RIT2: variants seen among roughly 807,000 people sequenced by gnomAD.
The protein encoded by RIT2 is Ras like without CAAX 2.
A neutral mutation model predicts 23.7 loss-of-function variants in RIT2; 24 were observed. The ratio of observed to expected loss-of-function variants is 1.01; its 90% CI spans 0.73 to 1.43. RIT2 has a LOEUF of 1.43. RIT2 is among the 40% of genes most tolerant of loss of function. The pLI is 0.00. For synonymous variants in RIT2, 107 were observed against 91.1 expected, an observed-to-expected ratio of 1.17 and a Z score of -0.99; for missense variants, 236 against 266.9, an observed-to-expected ratio of 0.88 and a Z score of 0.81.
chr18:43,004,349 A>G (rs1911178795), intron 2 of RIT2, among the ~76,000 whole-genome samples: 1 of 151,906 alleles, frequency 6.6e-6, no homozygotes, highest in Admixed American at 6.6e-5. Context: ...AGTTTAGCTC[A>G]TTCAGAACTG....
chr18:42,880,201 G>A (rs1169952367), intron 4 of RIT2, among the ~76,000 whole-genome samples: 1 of 152,086 alleles, frequency 6.6e-6, no homozygotes, highest in Non-Finnish European at 1.5e-5. Context: ...TTCTTATACA[G>A]ACTTCCCAGC....
At chr18:42,794,398 G>C (rs1436393472) in intron 4 of RIT2, among the ~76,000 whole-genome samples, 1 of 152,162 alleles carries the variant, frequency 6.6e-6, no homozygotes, top group African/African-American at 2.4e-5. Context: ...TCATTTATAT[G>C]ATATCATATT....
intron 1 of RIT2, among the ~76,000 whole-genome samples, chr18:43,047,812 G>A (rs1355100064): frequency 6.6e-6 from 1 of 152,050 alleles, no homozygotes; most frequent in Non-Finnish European, 1.5e-5. Context: ...TTAAAGTTTT[G>A]CTTGCTTTGT....
At chr18:43,023,524 T>C (rs999863531) in intron 2 of RIT2, among the ~76,000 whole-genome samples, 2 of 152,190 alleles carry the variant, frequency 1.3e-5, no homozygotes, top group East Asian at 3.9e-4. Flanking sequence ...AGCAATTATA[T>C]CTACATTATT....
chr18:43,019,408 T>C (rs937557925), intron 2 of RIT2, among the ~76,000 whole-genome samples: 30 of 151,842 alleles, frequency 2.0e-4, no homozygotes, highest in Admixed American at 1.9e-3. Flanking sequence ...ACATGATACA[T>C]CACATTGACA....
intron 1 of RIT2, among the ~76,000 whole-genome samples, chr18:43,095,208 T>A (rs544088166): frequency 6.6e-6 from 1 of 152,234 alleles, no homozygotes; most frequent in Admixed American, 6.6e-5. Flanking sequence ...TTTCTCCACA[T>A]CCTCTACAGC....
intron 1 of RIT2, among the ~76,000 whole-genome samples, chr18:43,084,215 C>T (rs1017883101): frequency 1.3e-5 from 2 of 152,084 alleles, no homozygotes; most frequent in African/African-American, 4.8e-5. Flanking sequence ...GAATGGTGAT[C>T]ATCAAAACCT....
At chr18:43,055,873 A>C (rs1420785523) in intron 1 of RIT2, among the ~76,000 whole-genome samples, 1 of 152,096 alleles carries the variant, frequency 6.6e-6, no homozygotes, top group Non-Finnish European at 1.5e-5. Flanking sequence ...GAAGTAAGCT[A>C]AATGAGCCAG....
At chr18:42,787,234 G>GT (rs1278627592) in intron 4 of RIT2, among the ~76,000 whole-genome samples, 12 of 148,126 alleles carry the variant, frequency 8.1e-5, no homozygotes, top group Middle Eastern at 3.6e-3. Context: ...GCGGTGTTTG[G>GT]TTTTTTGTCC....
intron 4 of RIT2, among the ~76,000 whole-genome samples, chr18:42,903,322 G>A (rs1908526898): frequency 6.6e-6 from 1 of 151,998 alleles, no homozygotes; most frequent in South Asian, 2.1e-4. Flanking sequence ...CCAAAATATA[G>A]AAGATATTTC....
chr18:42,812,418 G>A (rs1207180586), intron 4 of RIT2, among the ~76,000 whole-genome samples: 1 of 152,154 alleles, frequency 6.6e-6, no homozygotes, highest in African/African-American at 2.4e-5. Flanking sequence ...GTCCTTTAAA[G>A]TCATTAGAAG....
chr18:42,910,053 A>T (rs866826959), intron 4 of RIT2, among the ~76,000 whole-genome samples: 8 of 152,266 alleles, frequency 5.3e-5, no homozygotes, highest in Non-Finnish European at 7.4e-5. Context: ...TAACACATTG[A>T]CACCAGCAGG....
At chr18:42,797,066 TAAATA>T (rs372647819) in intron 4 of RIT2, among the ~76,000 whole-genome samples, 40 of 152,206 alleles carry the variant, frequency 2.6e-4, no homozygotes, top group African/African-American at 9.6e-4. Context: ...TTAAGAGAAT[TAAATA>T]AAATAAACAG....
At chr18:43,024,070 G>A (rs547722595) in intron 2 of RIT2, among the ~76,000 whole-genome samples, 1 of 152,174 alleles carries the variant, frequency 6.6e-6, no homozygotes, top group African/African-American at 2.4e-5. Flanking sequence ...GATGGTCAAG[G>A]TATGTCATTC....
At chr18:43,089,594 A>C (rs1185367122) in intron 1 of RIT2, among the ~76,000 whole-genome samples, 1 of 152,054 alleles carries the variant, frequency 6.6e-6, no homozygotes, top group South Asian at 2.1e-4. Context: ...AAAAAATAAA[A>C]AAAAAAATAA....
At chr18:43,018,821 A>G (rs1911532842) in intron 2 of RIT2, among the ~76,000 whole-genome samples, 1 of 152,070 alleles carries the variant, frequency 6.6e-6, no homozygotes, top group Non-Finnish European at 1.5e-5. Flanking sequence ...TACACCTGAA[A>G]GTGAAAGGAC....
chr18:43,095,701 G>T (rs553980722), intron 1 of RIT2, among the ~76,000 whole-genome samples: 2 of 151,996 alleles, frequency 1.3e-5, no homozygotes, highest in Admixed American at 1.3e-4. Flanking sequence ...TTACTTATCT[G>T]CAGTATAACT....
intron 4 of RIT2, among the ~76,000 whole-genome samples, chr18:42,842,639 A>T (rs1488755532): frequency 6.6e-6 from 1 of 152,140 alleles, no homozygotes; most frequent in Non-Finnish European, 1.5e-5. Flanking sequence ...AGTTTATTAC[A>T]GATTGAGCAT....
chr18:42,852,811 C>T (rs991348319), intron 4 of RIT2, among the ~76,000 whole-genome samples: 7 of 130,470 alleles, frequency 5.4e-5, no homozygotes, highest in Non-Finnish European at 9.6e-5. Context: ...CTCCCTCCCT[C>T]CCTTCCTTCC....
Sources: gnomAD v4.1 joint callset for allele counts (sites outside exome capture counted in the v4.1 genomes callset) on GRCh38, gnomAD v4.1.1 for gene constraint, MANE v1.5 for transcripts, NCBI Gene and HGNC (gene_info 2026-07-23, HGNC 2026-07-21) for gene names.